The following MPC2 variants were observed in gnomAD, a reference collection of about 807,000 sequenced individuals.
MPC2 encodes brain protein 44.
Under a neutral mutation model 19.2 loss-of-function variants are expected in MPC2, and 19 were observed. The observed-to-expected ratio is 0.99, with a 90% CI of 0.69 to 1.45. The LOEUF (loss-of-function observed/expected upper bound fraction) is 1.45. Ranked by LOEUF, MPC2 falls within the 40% of genes most tolerant of loss-of-function variation. MPC2 has a pLI of 0.00. For synonymous variants in MPC2, 61 were observed against 54.3 expected, an observed-to-expected ratio of 1.12 and a Z score of -0.54; for missense variants, 122 against 153.0, an observed-to-expected ratio of 0.80 and a Z score of 1.07.
chr1:167,929,764 C>T (rs921070950), intron 2 of MPC2, among the ~76,000 whole-genome samples: 3 of 152,116 alleles, frequency 2.0e-5, no homozygotes, highest in African/African-American at 7.2e-5. Context: ...AATTTTTACT[C>T]TCAAGCACAT....
At chr1:167,934,516 G>T (rs900302857) in intron 2 of MPC2, among the ~76,000 whole-genome samples, 1 of 152,176 alleles carries the variant, frequency 6.6e-6, no homozygotes, top group Non-Finnish European at 1.5e-5. Context: ...TGTCCTTAAT[G>T]ATCAGTTTTA....
rs765145098 is a variant in MPC2 at position 167,920,008 on chromosome 1, T to C, written c.318A>G (p.Ala106=). 1 of 1,613,536 alleles carries C rather than the reference T, an allele frequency of 6.2e-7. No individual in the cohort carries two copies. The highest frequency in any genetic ancestry group is 1.1e-5 in the South Asian group (1 of 91,008). ...AAATACGAAAAAGCTGAGAGGCTCC[T>C]GCTGCCCCCACAAAGAAATTAACAG... The part of the protein sequence containing the change: ...LFAVNFFVGA[A]GASQLFRIWR... The change falls in exon 5 of 6, where the codon GCA becomes GCG. Residue 106 remains alanine, a synonymous_variant. Coordinates refer to ENST00000271373, the MANE Select transcript of MPC2 (RefSeq NM_001143674.4).
Position 167,936,803 on chromosome 1 carries a change from C to G in MPC2, c.-58+136G>C, listed in dbSNP as rs569974742. ...CATCTAACGCTGCGCCCTGGAGGCC[C>G]GGCGCGCGGATGGTGCCGGTGCGGC... On this transcript the variant is annotated intron_variant, in intron 1 of 5. Transcript: ENST00000271373. 1.1e-5 allele frequency: 11 copies of G among 1,015,818 alleles called. No homozygotes were observed. In the Admixed American group the frequency reaches 1.8e-4, roughly 17 times the overall value. The allele number at this position is 1,015,818 out of a possible 1,614,324, so 62.9% of individuals were successfully genotyped here.
chr1:167,926,368 T>C (rs1019213136), intron 2 of MPC2, among the ~76,000 whole-genome samples: 3 of 152,224 alleles, frequency 2.0e-5, no homozygotes, highest in African/African-American at 4.8e-5. Flanking sequence ...ACCACACACA[T>C]AGAACTCTAG....
At chr1:167,925,798 C>T (rs1670743969) in intron 2 of MPC2, among the ~76,000 whole-genome samples, 1 of 152,048 alleles carries the variant, frequency 6.6e-6, no homozygotes, top group Non-Finnish European at 1.5e-5. Flanking sequence ...CTGCCCGCCT[C>T]AGCCTCCCAA....
intron 2 of MPC2, among the ~76,000 whole-genome samples, chr1:167,930,030 T>C (rs539222994): frequency 6.6e-6 from 1 of 152,200 alleles, no homozygotes; most frequent in Non-Finnish European, 1.5e-5. Flanking sequence ...ATCTTTGACA[T>C]GGATACTGAC....
chr1:167,921,627 G>A (rs1230844452), intron 3 of MPC2, among the ~76,000 whole-genome samples: 2 of 151,994 alleles, frequency 1.3e-5, no homozygotes, highest in Non-Finnish European at 2.9e-5. Flanking sequence ...GCTCCCACCA[G>A]ATGAGCTGTA....
In MPC2 at chr1:167,935,766, C is replaced by G. The variant is rs1465393448; in HGVS notation, c.76G>C (p.Glu26Gln). The change falls in exon 2 of 6, where the codon GAG (glutamate) becomes CAG (glutamine). Residue 26 changes from glutamate to glutamine, a missense_variant. Physicochemically the swap from Glu to Gln is conservative, Grantham distance 29. Coordinates refer to ENST00000271373, the MANE Select transcript of MPC2 (RefSeq NM_001143674.4). ...TGGTTGTACAACGGCCTCAATTTCT[C>G]GGGCAGCATCAGCTCCACTTTATCG... The part of the protein sequence containing the change: ...LLDKVELMLP[E>Q]KLRPLYNHPA... 6.4e-7 allele frequency: 1 copy of G among 1,565,154 alleles called. No individual in the cohort carries two copies. The highest frequency in any genetic ancestry group is 8.7e-7 in the Non-Finnish European group (1 of 1,154,598).
chr1:167,935,597 T>C lies in MPC2; in HGVS notation c.109+136A>G, dbSNP rs933578431. ...GGGTGAAATGCACAGGCTAGGAGAG[T>C]AGACGGCTTCACTTGAAGGGAAGGG... On this transcript the variant is annotated intron_variant, in intron 2 of 5. Coordinates refer to ENST00000271373, the MANE Select transcript of MPC2 (RefSeq NM_001143674.4). 8 of 680,194 alleles carry C rather than the reference T, an allele frequency of 1.2e-5. No individual in the cohort carries two copies. The Admixed American group carries it at 1.8e-4, about 15-fold the overall frequency. 42.1% of individuals were successfully genotyped at this position (680,194 alleles called of 1,614,324 possible). A position where few individuals can be genotyped will look rare whatever the true frequency, so the allele number is the denominator to read the frequency against.
intron 2 of MPC2, among the ~76,000 whole-genome samples, chr1:167,925,456 T>TATATATATATATATATATACATATAC (rs1670719025): frequency 5.4e-5 from 6 of 111,910 alleles, no homozygotes; most frequent in Admixed American, 1.9e-4. Context: ...TATATATATA[T>TATATATATATATATATATACATATAC]ATATATATAT....
chr1:167,919,765 G>C (rs924626145), intron 5 of MPC2, among the ~76,000 whole-genome samples: 5 of 151,956 alleles, frequency 3.3e-5, no homozygotes, highest in Admixed American at 3.3e-4. Context: ...CTAGTTAACT[G>C]GTTAACTTAT....
intron 2 of MPC2, among the ~76,000 whole-genome samples, chr1:167,934,173 T>A (rs1215959948): frequency 6.6e-6 from 1 of 152,204 alleles, no homozygotes; most frequent in Non-Finnish European, 1.5e-5. Context: ...GAAAGCTGAG[T>A]AGTATTTTAA....
Position 167,918,252 on chromosome 1 carries a change from A to G in MPC2, c.*71T>C. The G allele has an allele frequency of 2.4e-6, 3 of 1,267,712 alleles. No homozygotes were observed. Among genetic ancestry groups the G allele is most frequent in the Non-Finnish European group, 3.3e-6 (3 of 898,840 alleles). The allele number at this position is 1,267,712 out of a possible 1,614,324, so 78.5% of individuals were successfully genotyped here. A position where few individuals can be genotyped will look rare whatever the true frequency, so the allele number is the denominator to read the frequency against. ...ACACACAGTTAGCTTTGCTTTATCA[A>G]TAACCAAATAATAAACTAGGTCCCA... On this transcript the variant is annotated 3_prime_UTR_variant, in exon 6 of 6. Coordinates refer to ENST00000271373, the MANE Select transcript of MPC2 (RefSeq NM_001143674.4).
chr1:167,925,327 T>C lies in MPC2; in HGVS notation c.110-790A>G, dbSNP rs1317647147. ...TGTACCCCTATTACCTAATAGAATG[T>C]AGAATAATAAATAAAAAGGAAAGTT... On this transcript the variant is annotated intron_variant, in intron 2 of 5. Transcript: ENST00000271373. Among the ~76,000 whole-genome samples, 5 of 151,240 alleles carry C rather than the reference T, an allele frequency of 3.3e-5. No homozygotes were observed. The East Asian group carries it at 7.7e-4, about 23-fold the overall frequency.
chr1:167,921,588 C>T (rs550297114), intron 3 of MPC2, among the ~76,000 whole-genome samples: 1 of 152,118 alleles, frequency 6.6e-6, no homozygotes, highest in Non-Finnish European at 1.5e-5. Flanking sequence ...GTGTTTTTAA[C>T]ACTGTCTCTA....
chr1:167,931,975 G>A (rs1238687198), intron 2 of MPC2, among the ~76,000 whole-genome samples: 1 of 152,048 alleles, frequency 6.6e-6, no homozygotes, highest in Non-Finnish European at 1.5e-5. Context: ...GTCTTCAGAG[G>A]GAACCCATGT....
In MPC2 at chr1:167,937,035, G is replaced by A; in HGVS notation, c.-154C>T. 6.3e-7 allele frequency: 1 copy of A among 1,578,198 alleles called. No homozygotes were observed. Among genetic ancestry groups the A allele is most frequent in the Non-Finnish European group, 8.6e-7 (1 of 1,156,976 alleles). ...TGAGCGGGGGCCCCGGGGCGGAGGC[G>A]CTGAGGTCGCCGCCTAGAGTGGGGG... is the stretch of plus-strand genomic sequence containing the variant. On this transcript the variant is annotated 5_prime_UTR_variant, in exon 1 of 6. Coordinates refer to ENST00000271373, the MANE Select transcript of MPC2 (RefSeq NM_001143674.4).
intron 3 of MPC2, among the ~76,000 whole-genome samples, chr1:167,921,871 C>A (rs1027081978): frequency 6.6e-6 from 1 of 151,992 alleles, no homozygotes; most frequent in Non-Finnish European, 1.5e-5. Flanking sequence ...ATATTTATAT[C>A]CTTTAGGTTA....
intron 3 of MPC2, among the ~76,000 whole-genome samples, chr1:167,921,243 T>G (rs931464243): frequency 5.3e-5 from 8 of 151,838 alleles, no homozygotes; most frequent in Admixed American, 5.2e-4. Flanking sequence ...TTTTTTTTTT[T>G]AGACAGTCTC....
Sources: gnomAD v4.1 joint callset for allele counts (sites outside exome capture counted in the v4.1 genomes callset) on GRCh38, gnomAD v4.1.1 for gene constraint, MANE v1.5 for transcripts, NCBI Gene and HGNC (gene_info 2026-07-23, HGNC 2026-07-21) for gene names.